The following NR6A1 variants were observed in gnomAD, a reference collection of about 807,000 sequenced individuals.
The protein encoded by NR6A1 is retinoic acid receptor-related testis-associated receptor.
In NR6A1, 7 loss-of-function variants were observed where a neutral mutation model predicts 59.1. That is an observed-to-expected ratio of 0.12 (90% confidence interval 0.07 to 0.22). NR6A1 has a LOEUF of 0.22. Among genes scored for constraint, NR6A1 ranks in the 10% least tolerant of loss-of-function variants. NR6A1 has a pLI of 1.00. For synonymous variants in NR6A1, 243 were observed against 236.1 expected (o/e 1.03, Z -0.27); for missense variants, 468 against 611.6 (o/e 0.77, Z 2.48).
intron 1 of NR6A1, among the ~76,000 whole-genome samples, chr9:124,744,979 A>G (rs1172502223): frequency 6.6e-6 from 1 of 152,218 alleles, no homozygotes; most frequent in African/African-American, 2.4e-5. Context: ...AAAAGGGAAG[A>G]TGGATGCATG....
At chr9:124,531,549 T>G (rs1833097989) in intron 7 of NR6A1, among the ~76,000 whole-genome samples, 1 of 152,060 alleles carries the variant, frequency 6.6e-6, no homozygotes, top group African/African-American at 2.4e-5. Context: ...AATTACAGAC[T>G]CCACAGCCTG....
intron 2 of NR6A1, among the ~76,000 whole-genome samples, chr9:124,612,793 TTTTC>T (rs72252917): frequency 0.017 from 2,411 of 145,564 alleles, 30 homozygotes; most frequent in Non-Finnish European, 0.02. Flanking sequence ...TCTTTCTTTC[TTTTC>T]TTTCTTTCTT....
intron 2 of NR6A1, among the ~76,000 whole-genome samples, chr9:124,649,739 A>C (rs1564218360): frequency 6.6e-6 from 1 of 152,196 alleles, no homozygotes; most frequent in Admixed American, 6.5e-5. Context: ...ATATACACGG[A>C]ACTCAATAGC....
intron 2 of NR6A1, among the ~76,000 whole-genome samples, chr9:124,720,778 G>GA (rs923357473): frequency 1.1e-4 from 17 of 151,268 alleles, no homozygotes; most frequent in South Asian, 4.2e-4. Flanking sequence ...GAGATATTTA[G>GA]AAAAAAAAAG....
At chr9:124,726,514 A>G (rs1371821154) in intron 2 of NR6A1, among the ~76,000 whole-genome samples, 1 of 152,222 alleles carries the variant, frequency 6.6e-6, no homozygotes, top group Non-Finnish European at 1.5e-5. Context: ...GAAAAGCTAC[A>G]TCGGCCACAT....
intron 2 of NR6A1, among the ~76,000 whole-genome samples, chr9:124,662,731 T>A (rs1326699861): frequency 6.6e-6 from 1 of 152,206 alleles, no homozygotes; most frequent in African/African-American, 2.4e-5. Context: ...TACCAGCCGA[T>A]GTGTGACCAT....
chr9:124,749,127 T>C (rs1389490619), intron 1 of NR6A1, among the ~76,000 whole-genome samples: 1 of 151,766 alleles, frequency 6.6e-6, no homozygotes, highest in African/African-American at 2.4e-5. Context: ...CCGAGTGTAG[T>C]GGCGCATGTC....
intron 2 of NR6A1, among the ~76,000 whole-genome samples, chr9:124,681,084 CTG>C (rs887218574): frequency 2.0e-5 from 3 of 152,134 alleles, no homozygotes; most frequent in Non-Finnish European, 2.9e-5. Flanking sequence ...TTAAAATATT[CTG>C]TGTGACAAAA....
chr9:124,768,307 T>C (rs1840996630), intron 1 of NR6A1, among the ~76,000 whole-genome samples: 1 of 152,198 alleles, frequency 6.6e-6, no homozygotes, highest in African/African-American at 2.4e-5. Flanking sequence ...TCATTTCTTT[T>C]CTACTCAGAA....
chr9:124,628,115 C>T (rs1470349713), intron 2 of NR6A1, among the ~76,000 whole-genome samples: 1 of 151,894 alleles, frequency 6.6e-6, no homozygotes, highest in Non-Finnish European at 1.5e-5. Flanking sequence ...GCAACCTCCG[C>T]CTCCTGGATT....
chr9:124,682,159 T>G (rs1319123982), intron 2 of NR6A1, among the ~76,000 whole-genome samples: 1 of 152,080 alleles, frequency 6.6e-6, no homozygotes, highest in African/African-American at 2.4e-5. Flanking sequence ...CATGCCCAGC[T>G]AATTTTTTCT....
intron 3 of NR6A1, among the ~76,000 whole-genome samples, chr9:124,544,361 C>T (rs1031278903): frequency 4.6e-5 from 7 of 151,894 alleles, no homozygotes; most frequent in African/African-American, 1.5e-4. Flanking sequence ...CCTGTGTAGT[C>T]GAAGGAACTT....
At chr9:124,662,813 CTT>C (rs1837486674) in intron 2 of NR6A1, among the ~76,000 whole-genome samples, 1 of 152,178 alleles carries the variant, frequency 6.6e-6, no homozygotes, top group African/African-American at 2.4e-5. Flanking sequence ...AGCATGTTCT[CTT>C]GTGTTCAGTC....
chr9:124,708,770 C>CT (rs1839201635), intron 2 of NR6A1, among the ~76,000 whole-genome samples: 1 of 152,214 alleles, frequency 6.6e-6, no homozygotes, highest in African/African-American at 2.4e-5. Flanking sequence ...CAATCTCAGA[C>CT]TTTATCACCA....
intron 2 of NR6A1, among the ~76,000 whole-genome samples, chr9:124,622,747 T>A (rs533996231): frequency 6.6e-6 from 1 of 151,656 alleles, no homozygotes; most frequent in African/African-American, 2.4e-5. Context: ...ACAAAAACAC[T>A]GGAAAACCTT....
In NR6A1 at chr9:124,607,061, A is replaced by T. The variant is rs542087087; in HGVS notation, c.143-52491T>A. The T allele has an allele frequency of 3.3e-5, 5 of 152,248 alleles. No homozygotes were observed. In the East Asian group the frequency reaches 9.6e-4, roughly 29 times the overall value. 9.4% of individuals were successfully genotyped at this position (152,248 alleles called of 1,614,324 possible). A position where few individuals can be genotyped will look rare whatever the true frequency, so the allele number is the denominator to read the frequency against. On this transcript the variant is annotated intron_variant, in intron 2 of 9. Coordinates refer to ENST00000487099, the MANE Select transcript of NR6A1 (RefSeq NM_033334.4). ...ATACTCCAGCACAAGGGACAATAAA[A>T]CTTGATGCTGCTCCTGGACATCCTG...
intron 2 of NR6A1, among the ~76,000 whole-genome samples, chr9:124,621,523 G>A (rs920604771): frequency 6.6e-6 from 1 of 151,426 alleles, no homozygotes; most frequent in Non-Finnish European, 1.5e-5. Flanking sequence ...TGGTGGTGGT[G>A]CAAGCCTGCA....
intron 1 of NR6A1, among the ~76,000 whole-genome samples, chr9:124,757,093 A>C (rs1840655048): frequency 6.6e-6 from 1 of 152,180 alleles, no homozygotes. Context: ...CTCAAGCACC[A>C]GGCATTTATT....
intron 2 of NR6A1, among the ~76,000 whole-genome samples, chr9:124,574,829 G>A (rs770698145): frequency 1.1e-4 from 16 of 152,246 alleles, no homozygotes; most frequent in Middle Eastern, 3.4e-3. Context: ...TGGATACTAC[G>A]TTTTAAATGA....
Sources: allele counts gnomAD v4.1 joint callset (sites outside exome capture counted in the v4.1 genomes callset), GRCh38; gene constraint gnomAD v4.1.1; transcripts MANE v1.5; gene names NCBI Gene and HGNC (gene_info 2026-07-23, HGNC 2026-07-21).